Variants in IL11RA observed in about 807,000 individuals in gnomAD.
IL11RA encodes the protein interleukin 11 receptor subunit alpha.
In IL11RA, 51 loss-of-function variants were observed where a neutral mutation model predicts 57.0. The observed-to-expected ratio is 0.89, with a 90% CI of 0.71 to 1.13. IL11RA has a LOEUF of 1.13. Ranked by LOEUF, IL11RA falls within the 50% of genes most tolerant of loss-of-function variation. The probability of loss-of-function intolerance (pLI) is 0.00; values close to 1 mark genes in which losing one functional copy is unlikely to be tolerated. For missense variants in IL11RA, 498 were observed against 539.4 expected (o/e 0.92, Z 0.76); for synonymous variants, 199 against 217.5 (o/e 0.91, Z 0.75).
chr9:34,655,828 T>A (rs1821334207), intron 3 of IL11RA, 163 bp downstream of exon 3: 3 of 710,666 alleles, frequency 4.2e-6, no homozygotes, highest in Non-Finnish European at 5.1e-6. Context: ...AAAATTCAAC[T>A]GGTATGTTTT....
chr9:34,659,691 T>C, intron 8 of IL11RA, 68 bp from the exon 9 acceptor site: 1 of 1,596,300 alleles, frequency 6.3e-7, no homozygotes, highest in East Asian at 2.2e-5. Context: ...GGGGTGCTCT[T>C]TGTAGATGGT....
At chr9:34,656,225 G>A (rs921935026) in intron 3 of IL11RA, among the ~76,000 whole-genome samples, 12 of 151,946 alleles carry the variant, frequency 7.9e-5, no homozygotes, top group South Asian at 4.2e-4. Flanking sequence ...TAGTAGAGAC[G>A]GGGTTTTACC....
Position 34,658,380 on chromosome 9 carries a change from A to G in IL11RA, c.647-140A>G. 1 of 865,280 alleles carries G rather than the reference A, an allele frequency of 1.2e-6. No homozygotes were observed. Among genetic ancestry groups the G allele is most frequent in the South Asian group, 1.4e-5 (1 of 71,534 alleles). The allele number at this position is 865,280 out of a possible 1,614,324, so 53.6% of individuals were successfully genotyped here. A position where few individuals can be genotyped will look rare whatever the true frequency, so the allele number is the denominator to read the frequency against. On this transcript the variant is annotated intron_variant, in intron 7 of 12. Transcript: ENST00000441545. This position sits in a 1 kb window ranked among gnomAD's most constrained non-coding sequence, Gnocchi z 4.0. ...TAATACAGATGACCGGTCTGAGTCT[A>G]ATGGATGATCAAGTTTAAGATTTCC...
rs191013830 is a variant in IL11RA, at chr9:34,660,385, G to A, written c.1064G>A (p.Arg355Gln). The part of the protein sequence containing the change: ...PPRPSLQPHP[R>Q]LLDHRDSVEQ... ...AGGCCCTCCCTCCAACCACACCCTC[G>A]GCTACTTGGTGAGCTTGGGCAGATG... Residue 355 changes from arginine (R) to glutamine (Q), a missense_variant, in exon 10 of 13, where the codon CGG (arginine) becomes CAG (glutamine). Coordinates refer to ENST00000441545, the MANE Select transcript of IL11RA (RefSeq NM_001142784.3). The A allele has an allele frequency of 6.2e-6, 10 of 1,614,048 alleles. No homozygotes were observed. The highest frequency in any genetic ancestry group is 2.7e-5 in the African/African-American group (2 of 75,034).
Position 34,658,611 on chromosome 9 carries a change from G to T in IL11RA, c.738G>T (p.Trp246Cys). The T allele has an allele frequency of 1.2e-6, 2 of 1,614,090 alleles. No homozygotes were observed. The highest frequency in any genetic ancestry group is 2.2e-5 in the South Asian group (2 of 91,088). Residue 246 changes from tryptophan to cysteine, a missense_variant, in exon 8 of 13, where the codon TGG (tryptophan) becomes TGT (cysteine). Physicochemically the swap from Trp to Cys is radical, Grantham distance 215. Coordinates refer to ENST00000441545, the MANE Select transcript of IL11RA (RefSeq NM_001142784.3). This position sits in a 1 kb window ranked among gnomAD's most constrained non-coding sequence, Gnocchi z 4.0. Reference protein sequence around the residue: ...LRASWTYPASWPCQPHFLLKF... With the variant: ...LRASWTYPASCPCQPHFLLKF... ...CCAGCTGGACATACCCTGCCTCCTG[G>T]CCGTGCCAGCCCCACTTCCTGCTCA...
chr9:34,661,446 T>A (rs1248307103), intron 12 of IL11RA, 36 bp from the exon 13 acceptor site: 1 of 1,612,794 alleles, frequency 6.2e-7, no homozygotes, highest in Admixed American at 1.7e-5. Flanking sequence ...GATCCGGTCT[T>A]ACTGTCTCTC....
chr9:34,658,959 C>T lies in IL11RA; in HGVS notation c.810+276C>T, dbSNP rs1821401516. Reference sequence around the variant, plus strand: ...TTTTTTTTTGAGAGGGAGTCTCGCTCTGTCACCTAGGCTGGAGTGCAGTGG... The same window carrying T: ...TTTTTTTTTGAGAGGGAGTCTCGCTTTGTCACCTAGGCTGGAGTGCAGTGG... On this transcript the variant is annotated intron_variant, in intron 8 of 12. Transcript: ENST00000441545. The surrounding 1 kb of genome is among the most constrained non-coding windows in gnomAD (Gnocchi z 4.0). Among the ~76,000 whole-genome samples, 2 of 152,044 alleles carry T rather than the reference C, an allele frequency of 1.3e-5. No homozygotes were observed. Among genetic ancestry groups the T allele is most frequent in the Admixed American group, 1.3e-4 (2 of 15,268 alleles).
intron 2 of IL11RA, 119 bp downstream of exon 2, chr9:34,655,436 T>A: frequency 1.2e-6 from 1 of 862,086 alleles, no homozygotes; most frequent in Non-Finnish European, 1.9e-6. Context: ...CCAACCTGGG[T>A]CCTCTCTCTA....
Position 34,659,884 on chromosome 9 carries a change from G to A in IL11RA, c.936G>A (p.Trp312Ter). 6.2e-7 allele frequency: 1 copy of A among 1,614,170 alleles called. No homozygotes were observed. The highest frequency in any genetic ancestry group is 8.5e-7 in the Non-Finnish European group (1 of 1,180,002). Residue 312 changes from tryptophan (W) to a stop codon, truncating the protein, a stop_gained, in exon 9 of 13, where the codon TGG becomes TGA. Transcript: ENST00000441545. LOFTEE classifies it high-confidence loss of function. ...GGAGCACCTGGAGCCCGGAGGCCTG[G>A]GGAACTCCGAGCACTGGTGAGAGAC... ...GTWSTWSPEA[W>*]GTPSTGTIPK...
intron 11 of IL11RA, 61 bp from the exon 12 acceptor site, chr9:34,660,793 C>T (rs902032485): frequency 6.8e-7 from 1 of 1,467,330 alleles, no homozygotes; most frequent in Non-Finnish European, 9.6e-7. Flanking sequence ...CTAATAAACC[C>T]TTTGGCGGAG....
intron 3 of IL11RA, chr9:34,656,029 G>T: frequency 3.2e-6 from 1 of 313,628 alleles, no homozygotes; most frequent in Non-Finnish European, 6.2e-6. Flanking sequence ...ACAACTGAGT[G>T]GTTACTTTTT....
rs1400473746 is a variant in IL11RA, at chr9:34,658,886, T to C, written c.810+203T>C. ...GTCCTGTGGGGCTATAACTATGAGGTAAAGCACATCTGTGGGAAGATAGCA... is the reference window on the plus strand; with the variant it reads ...GTCCTGTGGGGCTATAACTATGAGGCAAAGCACATCTGTGGGAAGATAGCA... On this transcript the variant is annotated intron_variant, in intron 8 of 12. Coordinates refer to ENST00000441545, the MANE Select transcript of IL11RA (RefSeq NM_001142784.3). The surrounding 1 kb of genome is among the most constrained non-coding windows in gnomAD (Gnocchi z 4.0). 6.6e-6 allele frequency among the ~76,000 whole-genome samples: 1 copy of C among 152,136 alleles called. No individual in the cohort carries two copies. Among genetic ancestry groups the C allele is most frequent in the Non-Finnish European group, 1.5e-5 (1 of 68,024 alleles).
At chr9:34,659,559 A>T (rs1443513951) in intron 8 of IL11RA, among the ~76,000 whole-genome samples, 200 bp from the exon 9 acceptor site, 1 of 152,216 alleles carries the variant, frequency 6.6e-6, no homozygotes, top group Non-Finnish European at 1.5e-5. Flanking sequence ...GCCTGATGCC[A>T]CAGCCTCTCT....
intron 1 of IL11RA, 199 bp from the exon 2 acceptor site, chr9:34,655,019 G>C (rs1457970532): frequency 1.7e-6 from 1 of 590,778 alleles, no homozygotes; most frequent in Admixed American, 2.5e-5. Flanking sequence ...GTGTGTGTGC[G>C]CGCGCACGCA....
rs76429508 is a variant in IL11RA, at chr9:34,655,632, C to T, written c.128C>T (p.Ser43Phe). Reference protein sequence around the residue: ...PGVQYGQPGRSVKLCCPGVTA... With the variant: ...PGVQYGQPGRFVKLCCPGVTA... The stretch of plus-strand genomic sequence containing the variant: ...GTCCAGTATGGGCAGCCAGGCAGGT[C>T]CGTGAAGCTGTGTTGTCCTGGAGTG... The change falls in exon 3 of 13, where the codon TCC (serine) becomes TTC (phenylalanine). Residue 43 changes from serine to phenylalanine, a missense_variant. Physicochemically the swap from Ser to Phe is radical, Grantham distance 155. Transcript: ENST00000441545. 1.9e-3 allele frequency: 3,100 copies of T among 1,614,122 alleles called. 34 individuals carry two copies. The highest frequency in any genetic ancestry group is 0.016 in the African/African-American group (1,192 of 75,026).
chr9:34,659,979 C>A lies in IL11RA; in HGVS notation c.952+79C>A, dbSNP rs1587248878. 8.4e-6 allele frequency: 13 copies of A among 1,543,486 alleles called. No individual in the cohort carries two copies. The East Asian group carries it at 2.8e-4, about 34-fold the overall frequency. On this transcript the variant is annotated intron_variant, in intron 9 of 12. Coordinates refer to ENST00000441545, the MANE Select transcript of IL11RA (RefSeq NM_001142784.3). ...AGCTGAACCAGTTCCAAAAGACAGG[C>A]AGGTGGCACATGCCCTGCCCACACA... is the stretch of plus-strand genomic sequence containing the variant.
chr9:34,652,830 C>G (rs1332854850), intron 1 of IL11RA, among the ~76,000 whole-genome samples: 1 of 152,168 alleles, frequency 6.6e-6, no homozygotes, highest in Non-Finnish European at 1.5e-5. Flanking sequence ...GCTTCCCCTC[C>G]TTCCTCTGCT....
At position 34,657,514 on chromosome 9, in the gene IL11RA, C is replaced by T. The variant is rs867893001; in HGVS notation, c.573C>T (p.Tyr191=). The T allele has an allele frequency of 6.2e-7, 1 of 1,614,078 alleles. No homozygotes were observed. The highest frequency in any genetic ancestry group is 8.5e-7 in the Non-Finnish European group (1 of 1,180,030). Residue 191 remains tyrosine (Y), a synonymous_variant, in exon 7 of 13, where the codon TAC becomes TAT. Coordinates refer to ENST00000441545, the MANE Select transcript of IL11RA (RefSeq NM_001142784.3). ...VVHGAEFWSQ[Y]RINVTEVNPL... Reference sequence around the variant, plus strand: ...ACGGGGCTGAGTTCTGGAGCCAGTACCGGATTAATGTGACTGAGGTGAACC... The same window carrying T: ...ACGGGGCTGAGTTCTGGAGCCAGTATCGGATTAATGTGACTGAGGTGAACC...
intron 12 of IL11RA, 58 bp downstream of exon 12, chr9:34,660,994 C>A: frequency 7.2e-7 from 1 of 1,382,004 alleles, no homozygotes; most frequent in Non-Finnish European, 1.0e-6. Context: ...TTTTGAGTGT[C>A]CAGATTAAGA....
Sources: allele counts gnomAD v4.1 joint callset (sites outside exome capture counted in the v4.1 genomes callset), GRCh38; gene constraint gnomAD v4.1.1; non-coding constraint Gnocchi (gnomAD v3.1); transcripts MANE v1.5; gene names NCBI Gene and HGNC (gene_info 2026-07-23, HGNC 2026-07-21).